Variants in ITGAE observed in about 807,000 individuals in gnomAD.
ITGAE encodes integrin alpha-E.
A neutral mutation model predicts 136.5 loss-of-function variants in ITGAE; 99 were observed. The observed-to-expected ratio is 0.73, with a 90% confidence interval of 0.62 to 0.86. The LOEUF (loss-of-function observed/expected upper bound fraction) is 0.86. ITGAE is among the 40% of genes least tolerant of loss of function. The pLI is 0.00. For missense variants in ITGAE, 1,447 were observed against 1,515.3 expected (o/e 0.95, Z 0.75); for synonymous variants, 613 against 591.8 (o/e 1.04, Z -0.52).
At position 3,751,816 on chromosome 17, in the gene ITGAE, C is replaced by T. The variant is rs150193305; in HGVS notation, c.1727G>A (p.Arg576His). The T allele has an allele frequency of 2.7e-5, 43 of 1,614,000 alleles. No individual in the cohort carries two copies. Among genetic ancestry groups the T allele is most frequent in the Non-Finnish European group, 2.9e-5 (34 of 1,180,004 alleles). The change falls in exon 15 of 31, where the codon CGC (arginine) becomes CAC (histidine). Residue 576 changes from arginine to histidine, a missense_variant. Coordinates refer to ENST00000263087, the MANE Select transcript of ITGAE (RefSeq NM_002208.5). ...CATAGCCGCCATGGCAAAGCCAAAG[C>T]GGGCATTGGTGAACCCGGGGTGCCC... ...LSGHPGFTNA[R>H]FGFAMAAMGD...
At chr17:3,743,363 G>T in intron 19 of ITGAE, 126 bp downstream of exon 19, 1 of 1,095,584 alleles carries the variant, frequency 9.1e-7, no homozygotes, top group Non-Finnish European at 1.3e-6. Flanking sequence ...TGAGTACGGT[G>T]AGGGGCCCAA....
At chr17:3,760,432 T>C in intron 6 of ITGAE, 145 bp from the exon 7 acceptor site, 6 of 269,252 alleles carry the variant, frequency 2.2e-5, no homozygotes, top group East Asian at 1.1e-4. Context: ...GAGGGAAGCT[T>C]TTTTTTTTTT....
At chr17:3,776,289 C>T (rs1013702507) in intron 2 of ITGAE, among the ~76,000 whole-genome samples, 3 of 151,982 alleles carry the variant, frequency 2.0e-5, no homozygotes, top group Non-Finnish European at 2.9e-5. Flanking sequence ...AACTCCTGAC[C>T]TCAAATGATC....
chr17:3,730,997 T>C, intron 23 of ITGAE, 107 bp downstream of exon 23: 3 of 842,928 alleles, frequency 3.6e-6, no homozygotes, highest in Non-Finnish European at 5.8e-6. Context: ...TGGGGTTTCC[T>C]TTCTCCCTGG....
At position 3,761,173 on chromosome 17, in the gene ITGAE, A is replaced by C. The variant is rs1225609889; in HGVS notation, c.438T>G (p.Asn146Lys). ...CCACACGTGCATCTGGATCCAGGAG[A>C]TTTTCTTTAAAAACACACATGGAAG... ...QAQANFFDLENLLDPDARVDT... is the reference protein window; with the variant it reads ...QAQANFFDLEKLLDPDARVDT... The change falls in exon 6 of 31, where the codon AAT (asparagine) becomes AAG (lysine). Residue 146 changes from asparagine to lysine, a missense_variant. By Grantham distance (94) the Asn-to-Lys change is moderately conservative. Coordinates refer to ENST00000263087, the MANE Select transcript of ITGAE (RefSeq NM_002208.5). 3.1e-6 allele frequency: 5 copies of C among 1,589,492 alleles called. No individual in the cohort carries two copies. Among genetic ancestry groups the C allele is most frequent in the Middle Eastern group, 1.7e-4 (1 of 5,994 alleles).
chr17:3,751,145 A>G (rs1171704740), intron 15 of ITGAE, among the ~76,000 whole-genome samples: 2 of 151,850 alleles, frequency 1.3e-5, no homozygotes, highest in African/African-American at 4.8e-5. Context: ...GTGCTCTCAG[A>G]TGGGCCGTGT....
chr17:3,725,939 C>T, intron 26 of ITGAE: 1 of 1,613,692 alleles, frequency 6.2e-7, no homozygotes, highest in Non-Finnish European at 8.5e-7. Flanking sequence ...TCCACTACAC[C>T]CTCAATGGGA....
intron 1 of ITGAE, among the ~76,000 whole-genome samples, chr17:3,783,525 T>C (rs558656918): frequency 6.6e-6 from 1 of 152,374 alleles, no homozygotes; most frequent in Admixed American, 6.5e-5. Flanking sequence ...AACTGTATTT[T>C]TATATTCAAA....
intron 19 of ITGAE, among the ~76,000 whole-genome samples, chr17:3,743,170 G>A (rs986106107): frequency 1.6e-4 from 24 of 152,224 alleles, no homozygotes; most frequent in African/African-American, 5.3e-4. Context: ...CATCAGAGCC[G>A]CTTGCCAAGT....
chr17:3,723,211 G>T, intron 28 of ITGAE, 77 bp downstream of exon 28: 1 of 991,162 alleles, frequency 1.0e-6, no homozygotes, highest in Non-Finnish European at 1.6e-6. Context: ...GTTATGCAAA[G>T]ATGCTATTAT....
At chr17:3,773,334 T>C (rs2052470622) in intron 2 of ITGAE, among the ~76,000 whole-genome samples, 1 of 151,750 alleles carries the variant, frequency 6.6e-6, no homozygotes, top group Non-Finnish European at 1.5e-5. Flanking sequence ...CTACTAAAAA[T>C]ACAAAACTCA....
chr17:3,715,455 G>C (rs542292692), intron 30 of ITGAE, among the ~76,000 whole-genome samples: 2 of 152,250 alleles, frequency 1.3e-5, no homozygotes, highest in African/African-American at 4.8e-5. Flanking sequence ...CCGCTTTCAG[G>C]GAAGACAGTG....
Position 3,759,563 on chromosome 17 carries a change from A to G in ITGAE, c.715-10T>C, listed in dbSNP as rs759396460. The G allele has an allele frequency of 6.2e-7, 1 of 1,605,356 alleles. No homozygotes were observed. The highest frequency in any genetic ancestry group is 1.3e-5 in the African/African-American group (1 of 74,778). Reference sequence around the variant, plus strand: ...CCAAGGCAAAGTTGCACTGCAGGGGATGGGCAGGAGGGCAGGAGGTTGGAA... The same window carrying G: ...CCAAGGCAAAGTTGCACTGCAGGGGGTGGGCAGGAGGGCAGGAGGTTGGAA... On this transcript the variant is annotated splice_polypyrimidine_tract_variant and intron_variant, in intron 7 of 30. Transcript: ENST00000263087.
At chr17:3,768,485 T>C (rs912307035) in intron 2 of ITGAE, among the ~76,000 whole-genome samples, 3 of 152,190 alleles carry the variant, frequency 2.0e-5, no homozygotes, top group Non-Finnish European at 4.4e-5. Flanking sequence ...CTTCTGTCAG[T>C]GGCAGCCCCA....
In ITGAE at chr17:3,755,201, C is replaced by A. The variant is rs763119524; in HGVS notation, c.1300G>T (p.Asp434Tyr). ...AAGCGGCCCCGGCGGCTGCGTGTGT[C>A]GTAGAGCAACGCCCCTCCGGACCAG... Reference protein sequence around the residue: ...FDWSGGALLYDTRSRRGRFLN... With the variant: ...FDWSGGALLYYTRSRRGRFLN... The change falls in exon 12 of 31, where the codon GAC becomes TAC. Residue 434 changes from aspartate (D) to tyrosine (Y), a missense_variant. This residue lies in a region of ITGAE where 1,031 missense variants were observed against 1,011.4 expected (regional missense o/e 1.02). Transcript: ENST00000263087. The A allele has an allele frequency of 6.3e-7, 1 of 1,578,406 alleles. No individual in the cohort carries two copies. Among genetic ancestry groups the A allele is most frequent in the East Asian group, 2.3e-5 (1 of 43,764 alleles).
intron 1 of ITGAE, among the ~76,000 whole-genome samples, chr17:3,779,807 T>C (rs1037418646): frequency 1.3e-5 from 2 of 152,150 alleles, no homozygotes; most frequent in Non-Finnish European, 2.9e-5. Context: ...TCATTTAAAA[T>C]TTTTTGGGGA....
intron 3 of ITGAE, 64 bp from the exon 4 acceptor site, chr17:3,762,046 A>C: frequency 7.1e-7 from 1 of 1,418,000 alleles, no homozygotes; most frequent in Non-Finnish European, 9.9e-7. Context: ...CCCGAAGCCA[A>C]GGTCAGAGGG....
chr17:3,798,541 G>A lies in ITGAE; in HGVS notation c.34+2570C>T, dbSNP rs1270313462. ...GCCAAGGACCTCCCCGTCCTTCAGA[G>A]CCCACCTCAGATGCTACAGTCTCCC... On this transcript the variant is annotated intron_variant, in intron 1 of 30. Coordinates refer to ENST00000263087, the MANE Select transcript of ITGAE (RefSeq NM_002208.5). This position sits in a 1 kb window ranked among gnomAD's most constrained non-coding sequence, Gnocchi z 4.3. Among the ~76,000 whole-genome samples, 1 of 152,116 alleles carries A rather than the reference G, an allele frequency of 6.6e-6. No homozygotes were observed. Among genetic ancestry groups the A allele is most frequent in the Non-Finnish European group, 1.5e-5 (1 of 67,996 alleles).
At chr17:3,724,867 G>C in intron 26 of ITGAE, 1 of 1,613,958 alleles carries the variant, frequency 6.2e-7, no homozygotes, top group Non-Finnish European at 8.5e-7. Context: ...GCCGTCCGGA[G>C]AGAGCATCAG....
Sources: gnomAD v4.1 joint callset for allele counts (sites outside exome capture counted in the v4.1 genomes callset) on GRCh38, gnomAD v4.1.1 for gene constraint, gnomAD v4.1.1 regional missense constraint, Gnocchi (gnomAD v3.1) non-coding constraint, MANE v1.5 for transcripts, NCBI Gene and HGNC (gene_info 2026-07-23, HGNC 2026-07-21) for gene names.